The following DYRK4 variants were observed in gnomAD, a reference collection of about 807,000 sequenced individuals.
The protein encoded by DYRK4 is dual specificity tyrosine-phosphorylation-regulated kinase 4.
A neutral mutation model predicts 68.3 loss-of-function variants in DYRK4; 64 were observed. That is an observed-to-expected ratio of 0.94 (90% CI 0.77 to 1.15). The LOEUF (loss-of-function observed/expected upper bound fraction) is 1.15, where lower values mean the gene tolerates loss of function less well. DYRK4 is among the 50% of genes most tolerant of loss of function. The pLI is 0.00. For missense variants in DYRK4, 740 were observed against 764.7 expected (o/e 0.97, Z 0.38); for synonymous variants, 274 against 289.9 (o/e 0.95, Z 0.56).
intron 2 of DYRK4, among the ~76,000 whole-genome samples, chr12:4,586,704 G>GTA (rs1237499402): frequency 4.9e-5 from 4 of 81,046 alleles, no homozygotes; most frequent in East Asian, 5.6e-4. Flanking sequence ...CCTGGGCTGC[G>GTA]TACACACACA....
chr12:4,575,322 T>TGTGTGTGTGTGTGTGTG (rs71061193), intron 2 of DYRK4, among the ~76,000 whole-genome samples: 12 of 151,842 alleles, frequency 7.9e-5, no homozygotes, highest in Middle Eastern at 3.4e-3. Flanking sequence ...TGTGTGTGTG[T>TGTGTGTGTGTGTGTGTG]TTTCGAAACG....
Position 4,563,401 on chromosome 12 carries a change from C to G in DYRK4, c.38+1118C>G, listed in dbSNP as rs528363483. ...CAACTTGGCTAGAATGCATAGTCCT[C>G]AAGCGTGTGGAGGACCCAGTGCTGG... On this transcript the variant is annotated intron_variant, in intron 1 of 14. Coordinates refer to ENST00000543431, the MANE Select transcript of DYRK4 (RefSeq NM_001394779.1). Among the ~76,000 whole-genome samples the G allele has an allele frequency of 1.5e-3, 224 of 152,316 alleles. 2 individuals carry two copies. The highest frequency in any genetic ancestry group is 3.4e-3 in the Middle Eastern group (1 of 294).
intron 9 of DYRK4, 129 bp from the exon 10 acceptor site, chr12:4,599,578 G>T: frequency 1.5e-6 from 1 of 657,658 alleles, no homozygotes; most frequent in East Asian, 2.7e-5. Context: ...ATTTTGGAGA[G>T]GATGTGGGAG....
intron 11 of DYRK4, among the ~76,000 whole-genome samples, chr12:4,606,294 C>CTATCTATG (rs1945149594): frequency 4.8e-5 from 2 of 41,324 alleles, no homozygotes; most frequent in African/African-American, 3.2e-4. Flanking sequence ...GGCTGGCTGG[C>CTATCTATG]TATCTATCTA....
Position 4,589,020 on chromosome 12 carries a change from A to G in DYRK4, c.213+3A>G, listed in dbSNP as rs1450327249. 4 of 1,536,038 alleles carry G rather than the reference A, an allele frequency of 2.6e-6. No homozygotes were observed. The highest frequency in any genetic ancestry group is 3.5e-6 in the Non-Finnish European group (4 of 1,146,828). ...GAATGACCCAAGTCTTTCATAAGGT[A>G]GGGAGTGATGGTCAGCTCCTTTTCT... is the stretch of plus-strand genomic sequence containing the variant. On this transcript the variant is annotated splice_donor_region_variant and intron_variant, in intron 3 of 14. Coordinates refer to ENST00000543431, the MANE Select transcript of DYRK4 (RefSeq NM_001394779.1).
rs1945244503 is a variant in DYRK4, at chr12:4,613,064, C to T, written c.1666+346C>T. Among the ~76,000 whole-genome samples, 1 of 152,110 alleles carries T rather than the reference C, an allele frequency of 6.6e-6. No homozygotes were observed. The highest frequency in any genetic ancestry group is 1.5e-5 in the Non-Finnish European group (1 of 68,028). On this transcript the variant is annotated intron_variant, in intron 14 of 14. Coordinates refer to ENST00000543431, the MANE Select transcript of DYRK4 (RefSeq NM_001394779.1). The surrounding 1 kb of genome is among the most constrained non-coding windows in gnomAD (Gnocchi z 4.0). ...TCTCCTATAATCAATTTCCTTTCTC[C>T]TCCTCCCTTTTTCATTAACTGCGTC...
At chr12:4,597,558 G>A (rs1266187865) in intron 8 of DYRK4, among the ~76,000 whole-genome samples, 4 of 152,212 alleles carry the variant, frequency 2.6e-5, no homozygotes, top group South Asian at 2.1e-4. Flanking sequence ...TGGACAGCTC[G>A]GTCTGCCTTT....
chr12:4,593,919 T>C (rs1214193971), intron 6 of DYRK4, among the ~76,000 whole-genome samples: 1 of 152,234 alleles, frequency 6.6e-6, no homozygotes, highest in African/African-American at 2.4e-5. Flanking sequence ...GCTGTGTTTG[T>C]CTAGCATTAC....
chr12:4,579,258 G>A (rs1944817629), intron 2 of DYRK4, among the ~76,000 whole-genome samples: 1 of 152,010 alleles, frequency 6.6e-6, no homozygotes. Flanking sequence ...TGGTGACAGA[G>A]CGAGATGCCG....
intron 2 of DYRK4, chr12:4,573,494 T>A: frequency 1.2e-6 from 1 of 843,112 alleles, no homozygotes; most frequent in South Asian, 1.5e-5. Context: ...GGTGGGGGCA[T>A]GTCTCTGAGT....
At chr12:4,590,114 T>C in intron 3 of DYRK4, 1 of 1,309,528 alleles carries the variant, frequency 7.6e-7, no homozygotes, top group Non-Finnish European at 9.7e-7. Flanking sequence ...TAGTAAGTAG[T>C]AGAGCAGGGA....
In DYRK4 at chr12:4,583,496, G is replaced by A. The variant is rs912929749; in HGVS notation, c.133-5441G>A. Among the ~76,000 whole-genome samples, 9 of 151,942 alleles carry A rather than the reference G, an allele frequency of 5.9e-5. No homozygotes were observed. The South Asian group carries it at 8.3e-4, about 14-fold the overall frequency. On this transcript the variant is annotated intron_variant, in intron 2 of 14. Transcript: ENST00000543431. ...ATATTTGTAAGCCACTCGCTACCCCGTGCTCTGTACTTCAGTCACAGCACC... is the reference window on the plus strand; with the variant it reads ...ATATTTGTAAGCCACTCGCTACCCCATGCTCTGTACTTCAGTCACAGCACC...
intron 9 of DYRK4, 102 bp downstream of exon 9, chr12:4,599,268 G>C: frequency 3.4e-6 from 2 of 594,074 alleles, no homozygotes; most frequent in Non-Finnish European, 4.9e-6. Flanking sequence ...AATTGCCTTT[G>C]ACTTTTTTTT....
At chr12:4,605,597 C>T (rs1945136034) in intron 11 of DYRK4, among the ~76,000 whole-genome samples, 1 of 152,052 alleles carries the variant, frequency 6.6e-6, no homozygotes. Context: ...ATACCGTAAG[C>T]CTCATGTGTA....
chr12:4,609,387 T>G (rs1411615401), intron 12 of DYRK4, among the ~76,000 whole-genome samples: 2 of 152,226 alleles, frequency 1.3e-5, no homozygotes, highest in African/African-American at 4.8e-5. Flanking sequence ...TAATGACGGC[T>G]CCTTGTGATT....
intron 6 of DYRK4, among the ~76,000 whole-genome samples, chr12:4,595,819 A>T (rs2137374600): frequency 1.3e-5 from 2 of 152,336 alleles, no homozygotes; most frequent in Middle Eastern, 6.8e-3. Context: ...GTCCTAAAAC[A>T]TGCAGAAAAC....
intron 1 of DYRK4, among the ~76,000 whole-genome samples, chr12:4,565,628 T>C (rs1447580216): frequency 1.5e-5 from 1 of 67,388 alleles, no homozygotes; most frequent in Non-Finnish European, 2.7e-5. Flanking sequence ...TCACATTTAC[T>C]TTTTTTTTTT....
chr12:4,596,131 C>G lies in DYRK4; in HGVS notation c.628-18C>G. The G allele has an allele frequency of 6.2e-7, 1 of 1,613,110 alleles. No individual in the cohort carries two copies. Among genetic ancestry groups the G allele is most frequent in the South Asian group, 1.1e-5 (1 of 90,938 alleles). On this transcript the variant is annotated intron_variant, in intron 6 of 14. Coordinates refer to ENST00000543431, the MANE Select transcript of DYRK4 (RefSeq NM_001394779.1). ...GAGCCCATGGCTTTGCTCTTCACCT[C>G]CGGCCTGGCTTCCACAGGTCCTGCA...
rs552773308 is a variant in DYRK4, at chr12:4,564,165, C to A, written c.38+1882C>A. Among the ~76,000 whole-genome samples, 4 of 152,088 alleles carry A rather than the reference C, an allele frequency of 2.6e-5. No homozygotes were observed. In the South Asian group the frequency reaches 8.3e-4, roughly 31 times the overall value. ...GCAGAAATGAGTGTGACTTAAAATA[C>A]ATTTAGATAGAAGAAATAAGACCTA... On this transcript the variant is annotated intron_variant, in intron 1 of 14. Coordinates refer to ENST00000543431, the MANE Select transcript of DYRK4 (RefSeq NM_001394779.1).
Sources: gnomAD v4.1 joint callset for allele counts (sites outside exome capture counted in the v4.1 genomes callset) on GRCh38, gnomAD v4.1.1 for gene constraint, Gnocchi (gnomAD v3.1) non-coding constraint, MANE v1.5 for transcripts, NCBI Gene and HGNC (gene_info 2026-07-23, HGNC 2026-07-21) for gene names.